Variants in CLPB observed in about 807,000 individuals in gnomAD.
CLPB encodes ClpB family mitochondrial disaggregase, also known as mitochondrial disaggregase.
A neutral mutation model predicts 78.4 loss-of-function variants in CLPB; 40 were observed. The ratio of observed to expected loss-of-function variants is 0.51; its 90% CI spans 0.40 to 0.66. CLPB has a LOEUF of 0.66. CLPB is among the 30% of genes least tolerant of loss of function. The pLI, the probability that CLPB is intolerant of heterozygous loss-of-function variation, is 0.00. For synonymous variants in CLPB, 333 were observed against 348.0 expected (o/e 0.96, Z 0.48); for missense variants, 780 against 886.9 (o/e 0.88, Z 1.53).
intron 5 of CLPB, among the ~76,000 whole-genome samples, chr11:72,342,199 C>T (rs1950433065): frequency 6.6e-6 from 1 of 152,148 alleles, no homozygotes; most frequent in Non-Finnish European, 1.5e-5. Context: ...TAAGCATCAA[C>T]AAAGCTATGG....
chr11:72,321,236 G>T lies in CLPB; in HGVS notation c.874-4016C>A, dbSNP rs185501015. Among the ~76,000 whole-genome samples, 16 of 152,296 alleles carry T rather than the reference G, an allele frequency of 1.1e-4. No homozygotes were observed. The South Asian group carries it at 1.2e-3, about 12-fold the overall frequency. On this transcript the variant is annotated intron_variant, in intron 6 of 15. Coordinates refer to ENST00000538039, the MANE Select transcript of CLPB (RefSeq NM_001258392.3). ...GCTCTGCTCTGATAGGGATCCACTA[G>T]AGAAGAAGAGAAGGCAGGAATTCAG... is the stretch of plus-strand genomic sequence containing the variant.
At chr11:72,410,996 C>T (rs1183183331) in intron 2 of CLPB, 2 of 152,178 alleles carry the variant, frequency 1.3e-5, no homozygotes, top group African/African-American at 2.4e-5. Context: ...AGAAGCCTTC[C>T]CTAAGATGAC....
At chr11:72,299,222 T>C (rs918371158) in intron 11 of CLPB, among the ~76,000 whole-genome samples, 2 of 152,360 alleles carry the variant, frequency 1.3e-5, no homozygotes, top group South Asian at 2.1e-4. Flanking sequence ...CTCCAGCCCA[T>C]GGCCTCCCCA....
intron 9 of CLPB, among the ~76,000 whole-genome samples, chr11:72,306,730 G>T (rs1949751768): frequency 6.6e-6 from 1 of 152,184 alleles, no homozygotes; most frequent in South Asian, 2.1e-4. Context: ...ATTCCCACTT[G>T]TTTTCTCCTA....
intron 14 of CLPB, 39 bp from the exon 15 acceptor site, chr11:72,294,165 C>T (rs774853987): frequency 2.5e-6 from 4 of 1,607,946 alleles, no homozygotes; most frequent in Non-Finnish European, 3.4e-6. Flanking sequence ...GCATGTGGCC[C>T]ACTGCTTTCC....
At chr11:72,338,495 C>T (rs1950361566) in intron 5 of CLPB, among the ~76,000 whole-genome samples, 1 of 152,200 alleles carries the variant, frequency 6.6e-6, no homozygotes, top group African/African-American at 2.4e-5. Context: ...CTTTCACTTC[C>T]TTAGCACCCA....
chr11:72,372,844 A>G, intron 4 of CLPB: 2 of 1,270,664 alleles, frequency 1.6e-6, no homozygotes, highest in Non-Finnish European at 2.3e-6. Context: ...ACTTATACTG[A>G]GTAAAAGAGA....
Position 72,287,257 on chromosome 11 carries a change from T to C in CLPB, c.*6110A>G, listed in dbSNP as rs1467151349. On this transcript the variant is annotated 3_prime_UTR_variant, in exon 16 of 16. Transcript: ENST00000538039. ...CTTTGTAATCATTCACTGAGCTGCATACTTGTGATTTGTACAATTTCCCAT... is the reference window on the plus strand; with the variant it reads ...CTTTGTAATCATTCACTGAGCTGCACACTTGTGATTTGTACAATTTCCCAT... 1 of 152,224 alleles carries C rather than the reference T, an allele frequency of 6.6e-6. No homozygotes were observed. The highest frequency in any genetic ancestry group is 1.5e-5 in the Non-Finnish European group (1 of 68,032). The allele number at this position is 152,224 out of a possible 1,614,324, so 9.4% of individuals were successfully genotyped here.
At position 72,405,136 on chromosome 11, in the gene CLPB, T is replaced by C. The variant is rs547119940; in HGVS notation, c.456-2084A>G. ...GGCTTCTGACGGCACAAACTTGAATTGTGTCTTGAAGAAGGGGAAGAGTTT... is the reference window on the plus strand; with the variant it reads ...GGCTTCTGACGGCACAAACTTGAATCGTGTCTTGAAGAAGGGGAAGAGTTT... On this transcript the variant is annotated intron_variant, in intron 2 of 15. Coordinates refer to ENST00000538039, the MANE Select transcript of CLPB (RefSeq NM_001258392.3). Among the ~76,000 whole-genome samples, 5 of 152,282 alleles carry C rather than the reference T, an allele frequency of 3.3e-5. No homozygotes were observed. The East Asian group carries it at 9.7e-4, about 29-fold the overall frequency.
intron 3 of CLPB, among the ~76,000 whole-genome samples, chr11:72,392,649 C>T (rs1855287392): frequency 6.6e-6 from 1 of 152,186 alleles, no homozygotes; most frequent in African/African-American, 2.4e-5. Context: ...AAAGCAGCCG[C>T]AGTGTGTTAG....
chr11:72,343,134 C>T (rs967674768), intron 5 of CLPB, among the ~76,000 whole-genome samples: 1 of 152,182 alleles, frequency 6.6e-6, no homozygotes, highest in Non-Finnish European at 1.5e-5. Context: ...GTAGAGCCCT[C>T]TGCTTGGATG....
In CLPB at chr11:72,395,718, A is replaced by G. The variant is rs1404922243; in HGVS notation, c.542+7248T>C. Among the ~76,000 whole-genome samples, 8 of 152,206 alleles carry G rather than the reference A, an allele frequency of 5.3e-5. No homozygotes were observed. The East Asian group carries it at 1.5e-3, about 29-fold the overall frequency. On this transcript the variant is annotated intron_variant, in intron 3 of 15. Transcript: ENST00000538039. ...GAAGCCAGACCAAGAATAGGTTAGA[A>G]GACGGAAAAGGCTCTGTGCCCCTAA... is the stretch of plus-strand genomic sequence containing the variant.
intron 4 of CLPB, among the ~76,000 whole-genome samples, chr11:72,379,080 C>T (rs540554784): frequency 6.6e-6 from 1 of 152,264 alleles, no homozygotes; most frequent in Admixed American, 6.5e-5. Context: ...TTGGACACTC[C>T]TCTCATGCCA....
intron 9 of CLPB, among the ~76,000 whole-genome samples, chr11:72,306,419 C>T: frequency 6.6e-6 from 1 of 152,208 alleles, no homozygotes; most frequent in Admixed American, 6.5e-5. Context: ...CGACCTCCTG[C>T]CCTGGATGCT....
At chr11:72,419,016 A>G (rs1264862139) in intron 2 of CLPB, among the ~76,000 whole-genome samples, 2 of 152,216 alleles carry the variant, frequency 1.3e-5, no homozygotes, top group Admixed American at 1.3e-4. Flanking sequence ...GTAGAGCCTC[A>G]AAGTTCAGAA....
intron 2 of CLPB, among the ~76,000 whole-genome samples, chr11:72,412,450 G>A (rs1412327995): frequency 2.0e-5 from 3 of 152,208 alleles, no homozygotes; most frequent in Non-Finnish European, 4.4e-5. Flanking sequence ...TCCTATCACA[G>A]AAAACTTTAA....
intron 2 of CLPB, among the ~76,000 whole-genome samples, chr11:72,420,355 G>A (rs185793700): frequency 2.0e-5 from 3 of 152,258 alleles, no homozygotes; most frequent in Non-Finnish European, 2.9e-5. Context: ...TTAGCTGGGC[G>A]CAGTAGCTGT....
chr11:72,402,156 AG>A (rs1855581878), intron 3 of CLPB, among the ~76,000 whole-genome samples: 2 of 152,058 alleles, frequency 1.3e-5, no homozygotes, highest in African/African-American at 4.8e-5. Flanking sequence ...GCTACTCAGG[AG>A]GGTGAGGTGG....
rs150248137 is a variant in CLPB at position 72,434,126 on chromosome 11, C to A, written c.349G>T (p.Ala117Ser). 440 of 1,612,222 alleles carry A rather than the reference C, an allele frequency of 2.7e-4. No individual in the cohort carries two copies. In the African/African-American group the frequency reaches 5.5e-3, roughly 20 times the overall value. Residue 117 changes from alanine (A) to serine (S), a missense_variant, in exon 1 of 16, where the codon GCC (alanine) becomes TCC (serine). Physicochemically the swap from Ala to Ser is moderately conservative, Grantham distance 99. This residue lies in a region of CLPB where 417 missense variants were observed against 414.7 expected (regional missense o/e 1.01). Transcript: ENST00000538039. ...TGAACCACCAGCGCTGCGGCCAGGG[C>A]GCACATGCCCAGTCCGGCCCTGCTG... ...VPSRAGLGMC[A>S]LAAALVVHCY... is the part of the protein sequence containing the mutation.
Sources: gnomAD v4.1 joint callset for allele counts (sites outside exome capture counted in the v4.1 genomes callset) on GRCh38, gnomAD v4.1.1 for gene constraint, gnomAD v4.1.1 regional missense constraint, MANE v1.5 for transcripts, NCBI Gene and HGNC (gene_info 2026-07-23, HGNC 2026-07-21) for gene names.